Variants in CAST observed in about 807,000 individuals in gnomAD.
CAST encodes the protein calpastatin.
Under a neutral mutation model 119.6 loss-of-function variants are expected in CAST, and 76 were observed. The ratio of observed to expected loss-of-function variants is 0.64; its 90% CI spans 0.53 to 0.77. CAST has a LOEUF of 0.77. Ranked by LOEUF, CAST falls within the 30% of genes least tolerant of loss-of-function variation. The pLI is 0.00. For synonymous variants in CAST, 319 were observed against 331.6 expected (o/e 0.96, Z 0.41); for missense variants, 953 against 946.5 (o/e 1.01, Z -0.09).
chr5:95,983,629 T>C, the CAST span, among the ~76,000 whole-genome samples: 1 of 152,354 alleles, frequency 6.6e-6, no homozygotes, highest in African/African-American at 2.4e-5. Flanking sequence ...TCTGTATTAT[T>C]TGAATTTTCT....
chr5:96,548,431 CA>C, intron 1 of CAST, among the ~76,000 whole-genome samples: 1 of 152,172 alleles, frequency 6.6e-6, no homozygotes, highest in East Asian at 1.9e-4. Context: ...TTCTTAGGGG[CA>C]CTGTGATCAA....
the CAST span, among the ~76,000 whole-genome samples, chr5:96,305,743 G>A: frequency 2.3e-3 from 344 of 152,320 alleles, 1 homozygote; most frequent in African/African-American, 7.8e-3. Context: ...CTGTTTATGT[G>A]ATGGATTATG....
the CAST span, among the ~76,000 whole-genome samples, chr5:96,508,861 A>G: frequency 6.6e-6 from 1 of 152,230 alleles, no homozygotes; most frequent in Non-Finnish European, 1.5e-5. Flanking sequence ...GGAGGGGAGA[A>G]AATATTGCCT....
the CAST span, among the ~76,000 whole-genome samples, chr5:96,381,334 A>G: frequency 6.6e-6 from 1 of 152,186 alleles, no homozygotes; most frequent in Admixed American, 6.5e-5. Context: ...AAATACAGAA[A>G]GTTTCAATAG....
chr5:96,746,557 CT>C, intron 17 of CAST, 132 bp downstream of exon 17: 3 of 706,974 alleles, frequency 4.2e-6, no homozygotes, highest in South Asian at 1.7e-5. Context: ...AACCCTGAAC[CT>C]TTTTTTCTCT....
At chr5:96,034,281 CT>C in the CAST span, among the ~76,000 whole-genome samples, 1 of 151,594 alleles carries the variant, frequency 6.6e-6, no homozygotes, top group Non-Finnish European at 1.5e-5. Flanking sequence ...GTTAGAGTGG[CT>C]ACTATAAAAA....
chr5:96,366,241 C>G, the CAST span, among the ~76,000 whole-genome samples: 1,391 of 152,260 alleles, frequency 9.1e-3, 18 homozygotes, highest in African/African-American at 0.032. Context: ...TCTGACCTTT[C>G]TCTCTGGCTG....
the CAST span, among the ~76,000 whole-genome samples, chr5:96,274,576 A>G: frequency 2.7e-3 from 411 of 152,354 alleles, 1 homozygote; most frequent in Non-Finnish European, 4.4e-3. Context: ...TTGTGTCACT[A>G]TTAAAGTTGC....
At chr5:96,013,765 T>C in the CAST span, among the ~76,000 whole-genome samples, 2 of 152,050 alleles carry the variant, frequency 1.3e-5, no homozygotes, top group Non-Finnish European at 2.9e-5. Context: ...TACCTAAACA[T>C]AAAAAAGTAC....
chr5:96,718,120 G>A (rs1350657577), intron 3 of CAST, among the ~76,000 whole-genome samples: 3 of 152,144 alleles, frequency 2.0e-5, no homozygotes, highest in South Asian at 2.1e-4. Flanking sequence ...CAGCTTCATG[G>A]TATTACCCCC....
intron 1 of CAST, chr5:96,630,898 G>T (rs561105092): frequency 1.4e-5 from 2 of 140,374 alleles, no homozygotes; most frequent in East Asian, 2.1e-4. Flanking sequence ...AGAAAGAAAG[G>T]TTGTTTTGTT....
At chr5:96,556,207 T>A (rs1045719407) in intron 1 of CAST, among the ~76,000 whole-genome samples, 1 of 152,162 alleles carries the variant, frequency 6.6e-6, no homozygotes, top group South Asian at 2.1e-4. Flanking sequence ...AAACCCCATC[T>A]GTACATCTGC....
chr5:96,408,534 G>C, the CAST span, among the ~76,000 whole-genome samples: 1 of 152,258 alleles, frequency 6.6e-6, no homozygotes, highest in East Asian at 1.9e-4. Flanking sequence ...CTATAATTCT[G>C]GCAGCAAGAT....
chr5:96,540,927 C>T (rs756691926), intron 1 of CAST, among the ~76,000 whole-genome samples: 43 of 152,134 alleles, frequency 2.8e-4, no homozygotes, highest in Admixed American at 1.8e-3. Context: ...CAAGATTGAT[C>T]ACTGATGATG....
At chr5:96,610,188 G>T (rs149410000) in intron 1 of CAST, among the ~76,000 whole-genome samples, 8 of 152,180 alleles carry the variant, frequency 5.3e-5, no homozygotes, top group Admixed American at 1.3e-4. Flanking sequence ...TGTAAGATGT[G>T]CCTTTGCTCT....
the CAST span, among the ~76,000 whole-genome samples, chr5:96,452,400 C>A: frequency 1.3e-5 from 2 of 152,032 alleles, no homozygotes; most frequent in Non-Finnish European, 2.9e-5. Context: ...GAATAGAAAA[C>A]CAAACACCGC....
the CAST span, among the ~76,000 whole-genome samples, chr5:96,349,139 ATTTTTTTTTTT>A: frequency 1.1e-5 from 1 of 89,634 alleles, no homozygotes; most frequent in Non-Finnish European, 2.1e-5. Flanking sequence ...CAAGGACACT[ATTTTTTTTTTT>A]TTTTTTTGCT....
At chr5:96,741,190 A>T (rs1306526184) in intron 13 of CAST, 76 bp from the exon 14 acceptor site, 3 of 807,946 alleles carry the variant, frequency 3.7e-6, no homozygotes, top group Non-Finnish European at 6.4e-6. Context: ...TGCATTCTTC[A>T]TTTGCTAGGT....
the CAST span, chr5:95,980,384 C>G: frequency 6.6e-6 from 1 of 152,214 alleles, no homozygotes; most frequent in African/African-American, 2.4e-5. Flanking sequence ...GTGAATGCTG[C>G]TTTTGGTACC....
Sources: gnomAD v4.1 joint callset for allele counts (sites outside exome capture counted in the v4.1 genomes callset) on GRCh38, gnomAD v4.1.1 for gene constraint, MANE v1.5 for transcripts, NCBI Gene and HGNC (gene_info 2026-07-23, HGNC 2026-07-21) for gene names.